NLRC5: variants seen among roughly 807,000 people sequenced by gnomAD.
NLRC5 encodes protein NLRC5.
In NLRC5, 114 loss-of-function variants were observed where a neutral mutation model predicts 206.9. The ratio of observed to expected loss-of-function variants is 0.55; its 90% confidence interval spans 0.47 to 0.64. The LOEUF (loss-of-function observed/expected upper bound fraction) is 0.64, where lower values mean the gene tolerates loss of function less well. Ranked by LOEUF, NLRC5 falls within the 30% of genes least tolerant of loss-of-function variation. The pLI, the probability that NLRC5 is intolerant of heterozygous loss-of-function variation, is 0.00. For synonymous variants in NLRC5, 952 were observed against 962.8 expected (o/e 0.99, Z 0.21); for missense variants, 2,008 against 2,305.5 (o/e 0.87, Z 2.64).
At chr16:57,009,369 G>A (rs1207451967) in intron 1 of NLRC5, among the ~76,000 whole-genome samples, 2 of 151,936 alleles carry the variant, frequency 1.3e-5, no homozygotes, top group African/African-American at 2.4e-5. Flanking sequence ...CGAGGTGGGC[G>A]GATCACAAGG....
At chr16:57,051,087 G>A (rs190857462) in intron 23 of NLRC5, among the ~76,000 whole-genome samples, 1 of 152,098 alleles carries the variant, frequency 6.6e-6, no homozygotes, top group African/African-American at 2.4e-5. Flanking sequence ...CCAGACTCCT[G>A]ACCTCAGATG....
At position 57,026,535 on chromosome 16, in the gene NLRC5, A is replaced by C; in HGVS notation, c.1592A>C (p.Lys531Thr). 1 of 1,614,202 alleles carries C rather than the reference A, an allele frequency of 6.2e-7. No homozygotes were observed. The highest frequency in any genetic ancestry group is 1.1e-5 in the South Asian group (1 of 91,084). The part of the protein sequence containing the change: ...LAALHLMASP[K>T]VNKDTLTQYV... The stretch of plus-strand genomic sequence containing the variant: ...GCCCTGCACCTGATGGCCAGCCCCA[A>C]GGTGAACAAAGACACACTTACCCAG... Residue 531 changes from lysine to threonine, a missense_variant, in exon 6 of 49, where the codon AAG becomes ACG. Physicochemically the swap from Lys to Thr is moderately conservative, Grantham distance 78. Coordinates refer to ENST00000688547, the MANE Select transcript of NLRC5 (RefSeq NM_001384950.1).
intron 1 of NLRC5, among the ~76,000 whole-genome samples, chr16:57,005,661 G>GT (rs1415702946): frequency 6.6e-6 from 1 of 152,152 alleles, no homozygotes; most frequent in Non-Finnish European, 1.5e-5. Flanking sequence ...GCTCACATCT[G>GT]TAATCCCAGC....
At chr16:57,022,163 T>G in intron 3 of NLRC5, 93 bp from the exon 4 acceptor site, 4 of 981,270 alleles carry the variant, frequency 4.1e-6, no homozygotes, top group Non-Finnish European at 6.2e-6. Flanking sequence ...TATCTCCCTG[T>G]GAGATGAGCC....
Position 57,082,504 on chromosome 16 carries a change from G to A in NLRC5, c.5577G>A (p.Gln1859=), listed in dbSNP as rs2069276441. ...PRLDFAFFDN[Q]PQAPWGT ...TGGACTTTGCCTTCTTTGACAACCA[G>A]CCCCAGGCCCCTTGGGGTACTTGAT... The change falls in exon 49 of 49, where the codon CAG becomes CAA. Residue 1859 remains glutamine (Q), a synonymous_variant. Coordinates refer to ENST00000688547, the MANE Select transcript of NLRC5 (RefSeq NM_001384950.1). 2 of 1,613,608 alleles carry A rather than the reference G, an allele frequency of 1.2e-6. No individual in the cohort carries two copies. Among genetic ancestry groups the A allele is most frequent in the Non-Finnish European group, 1.7e-6 (2 of 1,179,720 alleles).
rs1424210172 is a variant in NLRC5 at position 57,061,356 on chromosome 16, TC to T, written c.3987-87del. 3.1e-6 allele frequency: 4 copies of T among 1,272,622 alleles called. No individual in the cohort carries two copies. In the African/African-American group the frequency reaches 5.9e-5, roughly 19 times the overall value. The allele number at this position is 1,272,622 out of a possible 1,614,324, so 78.8% of individuals were successfully genotyped here. A position where few individuals can be genotyped will look rare whatever the true frequency, so the allele number is the denominator to read the frequency against. ...GCCTTTGCCCTCAGAGGTGGGATGC[TC>T]CCCCAATAGGCCCTCAGGGAGGCTG... On this transcript the variant is annotated intron_variant, in intron 30 of 48. Coordinates refer to ENST00000688547, the MANE Select transcript of NLRC5 (RefSeq NM_001384950.1).
rs371789534 is a variant in NLRC5, at chr16:57,081,610, G to A, written c.5489G>A (p.Arg1830His). Residue 1830 changes from arginine to histidine, a missense_variant and splice_region_variant, in exon 48 of 49, where the codon CGC (arginine) becomes CAC (histidine). Coordinates refer to ENST00000688547, the MANE Select transcript of NLRC5 (RefSeq NM_001384950.1). ...LAQGSSIQVI[R>H]LWNNPIPCDM... ...CAGGGGTCTAGCATCCAAGTCATCC[G>A]GTAACAGAGGCCTGCAGGGGCAGGG... 26 of 1,613,376 alleles carry A rather than the reference G, an allele frequency of 1.6e-5. No homozygotes were observed. The highest frequency in any genetic ancestry group is 3.3e-5 in the South Asian group (3 of 91,060).
intron 1 of NLRC5, chr16:56,991,076 A>G (rs1210995555): frequency 1.3e-5 from 2 of 152,178 alleles, no homozygotes; most frequent in African/African-American, 4.8e-5. Flanking sequence ...ACATATGCAA[A>G]TCTATCCTAC....
intron 27 of NLRC5, 103 bp from the exon 28 acceptor site, chr16:57,057,962 G>T (rs2065908665): frequency 1.1e-6 from 1 of 885,750 alleles, no homozygotes; most frequent in Non-Finnish European, 1.8e-6. Context: ...CCTGACATGG[G>T]GTCCAGTAGC....
chr16:56,993,153 A>G (rs2057162158), intron 1 of NLRC5, among the ~76,000 whole-genome samples: 1 of 151,438 alleles, frequency 6.6e-6, no homozygotes. Context: ...ACACACACAC[A>G]TATACACATA....
At chr16:57,060,312 C>T (rs1463523440) in intron 30 of NLRC5, among the ~76,000 whole-genome samples, 1 of 151,852 alleles carries the variant, frequency 6.6e-6, no homozygotes, top group Non-Finnish European at 1.5e-5. Context: ...TTCTCCCTCA[C>T]AGTCTGATCC....
chr16:57,039,968 G>A, intron 16 of NLRC5, 119 bp downstream of exon 16: 2 of 904,684 alleles, frequency 2.2e-6, no homozygotes, highest in Non-Finnish European at 3.5e-6. Context: ...ATTCACGGAA[G>A]AGCGGGAAGT....
In NLRC5 at chr16:57,036,121, A is replaced by G; in HGVS notation, c.2649A>G (p.Glu883=). The change falls in exon 14 of 49, where the codon GAA becomes GAG. Residue 883 remains glutamate, a synonymous_variant. Coordinates refer to ENST00000688547, the MANE Select transcript of NLRC5 (RefSeq NM_001384950.1). ...TCAGCCTCTCAGGGAACCAGCTGGA[A>G]GATGAAGGCTGTCGGCTGATGGCAG... ...EEVDLSGNQL[E]DEGCRLMAEA... 4 of 1,613,754 alleles carry G rather than the reference A, an allele frequency of 2.5e-6. No individual in the cohort carries two copies. The highest frequency in any genetic ancestry group is 3.4e-6 in the Non-Finnish European group (4 of 1,180,012).
At chr16:57,059,329 T>A (rs2066102386) in intron 29 of NLRC5, 138 bp from the exon 30 acceptor site, 3 of 1,476,934 alleles carry the variant, frequency 2.0e-6, no homozygotes, top group Non-Finnish European at 1.8e-6. Context: ...GGGGGTCTCC[T>A]CTGGTTCTGA....
At chr16:57,081,659 AC>A (rs1453702436) in intron 48 of NLRC5, 49 bp downstream of exon 48, 3 of 1,509,926 alleles carry the variant, frequency 2.0e-6, no homozygotes, top group African/African-American at 1.4e-5. Flanking sequence ...GGCTACACCA[AC>A]CCCCAGATCT....
intron 20 of NLRC5, 81 bp downstream of exon 20, chr16:57,043,685 A>G (rs1338047938): frequency 8.9e-7 from 1 of 1,121,234 alleles, no homozygotes; most frequent in Non-Finnish European, 1.4e-6. Context: ...CCCCTTGTCC[A>G]CCAGTTTCAT....
intron 2 of NLRC5, among the ~76,000 whole-genome samples, chr16:57,018,779 T>G (rs761556215): frequency 1.3e-5 from 2 of 152,162 alleles, no homozygotes; most frequent in Admixed American, 6.5e-5. Flanking sequence ...GCTTTCCAAG[T>G]GTGTACTGCT....
chr16:57,057,096 G>A (rs1045949789), intron 27 of NLRC5, among the ~76,000 whole-genome samples: 4 of 152,116 alleles, frequency 2.6e-5, no homozygotes, highest in South Asian at 2.1e-4. Context: ...CAGATGTTCC[G>A]GGACACACTG....
chr16:57,010,152 G>A (rs534419281), intron 1 of NLRC5, among the ~76,000 whole-genome samples: 2 of 152,258 alleles, frequency 1.3e-5, no homozygotes, highest in South Asian at 2.1e-4. Context: ...GCTCAGTTTC[G>A]GACTTGGAAA....
Sources: gnomAD v4.1 joint callset for allele counts (sites outside exome capture counted in the v4.1 genomes callset) on GRCh38, gnomAD v4.1.1 for gene constraint, MANE v1.5 for transcripts, NCBI Gene and HGNC (gene_info 2026-07-23, HGNC 2026-07-21) for gene names.